PPP2R2B: variants seen among roughly 807,000 people sequenced by gnomAD.
PPP2R2B encodes the protein serine/threonine-protein phosphatase 2A 55 kDa regulatory subunit B beta isoform.
A neutral mutation model predicts 46.0 loss-of-function variants in PPP2R2B; 5 were observed. The ratio of observed to expected loss-of-function variants is 0.11; its 90% confidence interval spans 0.06 to 0.23. The LOEUF (loss-of-function observed/expected upper bound fraction) is 0.23. Among genes scored for constraint, PPP2R2B ranks in the 10% least tolerant of loss-of-function variants. The probability of loss-of-function intolerance (pLI) is 1.00; values close to 1 mark genes in which losing one functional copy is unlikely to be tolerated. For synonymous variants in PPP2R2B, 215 were observed against 206.7 expected (o/e 1.04, Z -0.34); for missense variants, 367 against 575.0 (o/e 0.64, Z 3.70).
At chr5:146,758,095 A>G (rs1306423489) in intron 2 of PPP2R2B, among the ~76,000 whole-genome samples, 1 of 152,172 alleles carries the variant, frequency 6.6e-6, no homozygotes, top group Non-Finnish European at 1.5e-5. Flanking sequence ...GGTTCTGTTT[A>G]TGTGATATTC....
At chr5:146,758,600 C>T (rs977632650) in intron 2 of PPP2R2B, among the ~76,000 whole-genome samples, 8 of 152,090 alleles carry the variant, frequency 5.3e-5, no homozygotes, top group African/African-American at 1.4e-4. Flanking sequence ...CTCCATGAGA[C>T]GCCACAAACT....
At chr5:146,747,832 A>C (rs1376377405) in intron 2 of PPP2R2B, among the ~76,000 whole-genome samples, 1 of 152,214 alleles carries the variant, frequency 6.6e-6, no homozygotes, top group Non-Finnish European at 1.5e-5. Flanking sequence ...TTTGAACCTA[A>C]CTACTTAGTA....
intron 2 of PPP2R2B, among the ~76,000 whole-genome samples, chr5:146,831,498 C>CAA (rs34975709): frequency 4.0e-3 from 222 of 54,920 alleles, no homozygotes; most frequent in Non-Finnish European, 4.4e-3. Flanking sequence ...CTCCATCTCT[C>CAA]AAAAAAAAAA....
At chr5:146,991,220 G>A (rs1753685099) in intron 1 of PPP2R2B, among the ~76,000 whole-genome samples, 1 of 151,994 alleles carries the variant, frequency 6.6e-6, no homozygotes, top group African/African-American at 2.4e-5. Flanking sequence ...GCTATTACTG[G>A]GTACATATAC....
intron 1 of PPP2R2B, among the ~76,000 whole-genome samples, chr5:147,034,419 A>G (rs1490319331): frequency 6.6e-6 from 1 of 152,200 alleles, no homozygotes. Context: ...ATAGTGACCC[A>G]TAATAAAATA....
At chr5:147,065,140 G>A (rs1335196533) in intron 2 of PPP2R2B, among the ~76,000 whole-genome samples, 2 of 152,268 alleles carry the variant, frequency 1.3e-5, no homozygotes, top group East Asian at 3.9e-4. Flanking sequence ...GACTAGTAGA[G>A]AAAACATACA....
intron 2 of PPP2R2B, among the ~76,000 whole-genome samples, chr5:146,877,695 G>A (rs1380950945): frequency 6.6e-6 from 1 of 152,124 alleles, no homozygotes; most frequent in African/African-American, 2.4e-5. Flanking sequence ...AACATCTCGG[G>A]GAAGGGGTCA....
intron 1 of PPP2R2B, among the ~76,000 whole-genome samples, chr5:146,887,257 T>C (rs1342063451): frequency 6.6e-6 from 1 of 152,144 alleles, no homozygotes; most frequent in African/African-American, 2.4e-5. Flanking sequence ...CAAATCTAGC[T>C]ACATTTCTAG....
chr5:146,652,176 C>G (rs1776013533), intron 5 of PPP2R2B, among the ~76,000 whole-genome samples: 1 of 152,182 alleles, frequency 6.6e-6, no homozygotes, highest in Non-Finnish European at 1.5e-5. Flanking sequence ...ATCAGATTCA[C>G]CACTAACCAA....
chr5:146,945,280 C>T (rs892226800), intron 1 of PPP2R2B, among the ~76,000 whole-genome samples: 3 of 152,180 alleles, frequency 2.0e-5, no homozygotes. Context: ...TTTAAGTCCA[C>T]TTTTCATCAA....
chr5:146,698,349 T>TATAC (rs1245281160), intron 3 of PPP2R2B, among the ~76,000 whole-genome samples: 2 of 108,436 alleles, frequency 1.8e-5, no homozygotes, highest in Non-Finnish European at 3.6e-5. Flanking sequence ...TATATATATA[T>TATAC]ATACACACAC....
At position 146,735,880 on chromosome 5, in the gene PPP2R2B, AAGTATTT is replaced by A. The variant is rs1328612904; in HGVS notation, c.71-34745_71-34739del. On this transcript the variant is annotated intron_variant, in intron 2 of 9. Transcript: ENST00000394411. Reference sequence around the variant, plus strand: ...TGATAACCTATTTCATTCATTCAACAAGTATTTATTGAATACCAAATATGTGGTGGGC... The same window carrying A: ...TGATAACCTATTTCATTCATTCAACAATTGAATACCAAATATGTGGTGGGC... Among the ~76,000 whole-genome samples the A allele has an allele frequency of 4.6e-5, 7 of 152,334 alleles. No individual in the cohort carries two copies. The East Asian group carries it at 9.6e-4, about 21-fold the overall frequency.
intron 1 of PPP2R2B, among the ~76,000 whole-genome samples, chr5:146,887,548 C>T (rs1398155147): frequency 6.6e-6 from 1 of 151,956 alleles, no homozygotes; most frequent in Admixed American, 6.6e-5. Context: ...CTGCATTTTC[C>T]CCTAAAACTA....
rs150207790 is a variant in PPP2R2B at position 146,854,497 on chromosome 5, T to C, written c.70+23505A>G. Among the ~76,000 whole-genome samples the C allele has an allele frequency of 1.2e-3, 176 of 152,286 alleles. 1 individual carries two copies. The East Asian group carries it at 0.02, about 18-fold the overall frequency. On this transcript the variant is annotated intron_variant, in intron 2 of 9. Coordinates refer to ENST00000394411, the MANE Select transcript of PPP2R2B (RefSeq NM_181675.4). ...GTTGCTAACTACAGTCACTGTACTC[T>C]GCTATCAAACATTAGAATTTATACC...
At chr5:146,623,224 G>C (rs1773825020) in intron 7 of PPP2R2B, among the ~76,000 whole-genome samples, 1 of 152,164 alleles carries the variant, frequency 6.6e-6, no homozygotes, top group Non-Finnish European at 1.5e-5. Flanking sequence ...CAGAACTTTT[G>C]GGTACACATA....
intron 2 of PPP2R2B, among the ~76,000 whole-genome samples, chr5:146,849,170 C>T (rs1223427355): frequency 6.6e-6 from 1 of 152,090 alleles, no homozygotes; most frequent in Non-Finnish European, 1.5e-5. Flanking sequence ...TTTTAGAAAT[C>T]AAGATCTGGG....
chr5:146,673,922 C>T (rs1467030220), intron 5 of PPP2R2B, among the ~76,000 whole-genome samples: 2 of 152,166 alleles, frequency 1.3e-5, no homozygotes, highest in African/African-American at 2.4e-5. Flanking sequence ...AATTTTCTTC[C>T]AGCAAGGGAT....
At chr5:146,633,307 T>C (rs1191436583) in intron 7 of PPP2R2B, among the ~76,000 whole-genome samples, 1 of 152,214 alleles carries the variant, frequency 6.6e-6, no homozygotes, top group Non-Finnish European at 1.5e-5. Context: ...TCAGAGCTCA[T>C]CTCCAAAAGC....
At chr5:146,994,699 A>C (rs1483824125) in intron 1 of PPP2R2B, among the ~76,000 whole-genome samples, 2 of 152,114 alleles carry the variant, frequency 1.3e-5, no homozygotes, top group Admixed American at 6.5e-5. Flanking sequence ...CGCTCTGCCC[A>C]ACACTTCAGA....
Sources: gnomAD v4.1 joint callset for allele counts (sites outside exome capture counted in the v4.1 genomes callset) on GRCh38, gnomAD v4.1.1 for gene constraint, MANE v1.5 for transcripts, NCBI Gene and HGNC (gene_info 2026-07-23, HGNC 2026-07-21) for gene names.